BID: variants seen among roughly 807,000 people sequenced by gnomAD.
BID encodes BH3-interacting domain death agonist.
A neutral mutation model predicts 17.4 loss-of-function variants in BID; 19 were observed. That is an observed-to-expected ratio of 1.09 (90% confidence interval 0.76 to 1.60). The LOEUF (loss-of-function observed/expected upper bound fraction) is 1.60. Among genes scored for constraint, BID ranks in the 40% most tolerant of loss-of-function variants. The pLI is 0.00. For synonymous variants in BID, 108 were observed against 102.8 expected, an observed-to-expected ratio of 1.05 and a Z score of -0.31; for missense variants, 226 against 256.0, an observed-to-expected ratio of 0.88 and a Z score of 0.80.
intron 1 of BID, among the ~76,000 whole-genome samples, chr22:17,772,484 C>T (rs1003069755): frequency 1.3e-5 from 2 of 152,256 alleles, no homozygotes; most frequent in South Asian, 2.1e-4. Flanking sequence ...CATGGGCTGA[C>T]AGCCAGAGCC....
At chr22:17,752,964 C>CCCCCAATGGGACA (rs2061551568) in intron 1 of BID, among the ~76,000 whole-genome samples, 1 of 85,174 alleles carries the variant, frequency 1.2e-5, no homozygotes, top group African/African-American at 4.8e-5. Flanking sequence ...CGCGCCCAGT[C>CCCCCAATGGGACA]TTTTTTTTTT....
chr22:17,748,424 C>T (rs2145887791), intron 2 of BID, among the ~76,000 whole-genome samples: 1 of 151,708 alleles, frequency 6.6e-6, no homozygotes, highest in South Asian at 2.1e-4. Context: ...AGGAGAATGG[C>T]CTGAACCCGG....
intron 1 of BID, among the ~76,000 whole-genome samples, chr22:17,761,634 T>C (rs888002070): frequency 1.3e-5 from 2 of 152,044 alleles, no homozygotes; most frequent in Non-Finnish European, 2.9e-5. Flanking sequence ...GGTTTCACCG[T>C]GTTAGCCAGG....
chr22:17,752,332 C>T (rs1257195060), intron 1 of BID, among the ~76,000 whole-genome samples: 3 of 152,144 alleles, frequency 2.0e-5, no homozygotes, highest in Admixed American at 6.6e-5. Context: ...AGTGGGGGCA[C>T]GGCTCATCAG....
At chr22:17,749,765 C>T (rs948255675) in intron 2 of BID, among the ~76,000 whole-genome samples, 1 of 152,240 alleles carries the variant, frequency 6.6e-6, no homozygotes, top group African/African-American at 2.4e-5. Context: ...TCAAGGAATC[C>T]TCCTGCCTTG....
intron 2 of BID, among the ~76,000 whole-genome samples, 196 bp from the exon 3 acceptor site, chr22:17,744,209 C>A (rs2061480458): frequency 6.6e-6 from 1 of 152,168 alleles, no homozygotes; most frequent in Non-Finnish European, 1.5e-5. Context: ...AGCAGCACTG[C>A]CCGTAGATGG....
In BID at chr22:17,773,806, A is replaced by T; in HGVS notation, c.-59+575T>A. 1 of 973,094 alleles carries T rather than the reference A, an allele frequency of 1.0e-6. No homozygotes were observed. The highest frequency in any genetic ancestry group is 1.5e-6 in the Non-Finnish European group (1 of 647,940). 60.3% of individuals were successfully genotyped at this position (973,094 alleles called of 1,614,324 possible). A position where few individuals can be genotyped will look rare whatever the true frequency, so the allele number is the denominator to read the frequency against. ...TTCAGCCACTCAACAGTTTCCCAGC[A>T]GCAGCAGCGAGGATCCGCACATCAT... On this transcript the variant is annotated intron_variant, in intron 1 of 5. Transcript: ENST00000622694. The surrounding 1 kb of genome is among the most constrained non-coding windows in gnomAD (Gnocchi z 4.4).
At chr22:17,745,732 C>T (rs1354497204) in intron 2 of BID, among the ~76,000 whole-genome samples, 1 of 151,940 alleles carries the variant, frequency 6.6e-6, no homozygotes, top group Non-Finnish European at 1.5e-5. Flanking sequence ...CTTTGGGAGG[C>T]CGAGGCGGGC....
intron 1 of BID, among the ~76,000 whole-genome samples, chr22:17,772,037 G>A (rs549342267): frequency 4.9e-4 from 74 of 152,322 alleles, no homozygotes; most frequent in Non-Finnish European, 8.7e-4. Flanking sequence ...CAACTCCCTC[G>A]GGTGTGACCT....
intron 1 of BID, among the ~76,000 whole-genome samples, chr22:17,761,183 A>C (rs2061635651): frequency 6.6e-6 from 1 of 152,194 alleles, no homozygotes; most frequent in Non-Finnish European, 1.5e-5. Context: ...TCAGAGTCTC[A>C]GGGACAGTTT....
At chr22:17,747,085 A>T (rs1413459772) in intron 2 of BID, among the ~76,000 whole-genome samples, 4 of 152,062 alleles carry the variant, frequency 2.6e-5, no homozygotes, top group Non-Finnish European at 5.9e-5. Flanking sequence ...AGGGAGGGAG[A>T]GGAAAGAATG....
intron 1 of BID, chr22:17,764,240 T>C (rs2061662571): frequency 2.6e-5 from 4 of 154,508 alleles, no homozygotes; most frequent in Middle Eastern, 5.2e-4. Flanking sequence ...TAGTGCTGGG[T>C]GAACAGTGAG....
chr22:17,765,532 T>C (rs1281209155), intron 1 of BID, among the ~76,000 whole-genome samples: 2 of 152,226 alleles, frequency 1.3e-5, no homozygotes, highest in Admixed American at 1.3e-4. Context: ...TTCAGAATAA[T>C]GAACACATTT....
At chr22:17,758,264 A>T (rs2061608959) in intron 1 of BID, among the ~76,000 whole-genome samples, 1 of 152,088 alleles carries the variant, frequency 6.6e-6, no homozygotes, top group Admixed American at 6.5e-5. Flanking sequence ...GCAGGCACTG[A>T]CTCCACGGTC....
At chr22:17,739,959 G>A (rs2061447318) in intron 3 of BID, 1 of 1,053,616 alleles carries the variant, frequency 9.5e-7, no homozygotes, top group African/African-American at 1.6e-5. Context: ...GAAAACCCCA[G>A]TTGTCACTGG....
rs199956963 is a variant in BID, at chr22:17,739,320, G to A, written c.363+29C>T. 68 of 1,533,198 alleles carry A rather than the reference G, an allele frequency of 4.4e-5. 1 individual carries two copies. The Middle Eastern group carries it at 3.0e-3, about 67-fold the overall frequency. 95.0% of individuals were successfully genotyped at this position (1,533,198 alleles called of 1,614,324 possible). ...ACAGGCCCCCTTGGCTCACTTGCCCGCCCACGCGGTCCTCAGGCCCTCACT... is the reference window on the plus strand; with the variant it reads ...ACAGGCCCCCTTGGCTCACTTGCCCACCCACGCGGTCCTCAGGCCCTCACT... On this transcript the variant is annotated intron_variant, in intron 4 of 5. Coordinates refer to ENST00000622694, the MANE Select transcript of BID (RefSeq NM_001196.4).
intron 1 of BID, among the ~76,000 whole-genome samples, chr22:17,767,617 G>C (rs900553940): frequency 1.3e-5 from 2 of 152,152 alleles, no homozygotes; most frequent in African/African-American, 4.8e-5. Context: ...ACAGAGAACT[G>C]ATCTCTGTCA....
In BID at chr22:17,764,588, AT is replaced by A. The variant is rs1437438816; in HGVS notation, c.-59+9792del. 2.0e-5 allele frequency among the ~76,000 whole-genome samples: 3 copies of A among 152,382 alleles called. No homozygotes were observed. The East Asian group carries it at 5.8e-4, about 29-fold the overall frequency. ...ATGCCCAATTCTGAGTGTTACACACATTTCTAGGAAAAATAATTCCAATGTA... is the reference window on the plus strand; with the variant it reads ...ATGCCCAATTCTGAGTGTTACACACATTCTAGGAAAAATAATTCCAATGTA... On this transcript the variant is annotated intron_variant, in intron 1 of 5. Coordinates refer to ENST00000622694, the MANE Select transcript of BID (RefSeq NM_001196.4).
intron 2 of BID, among the ~76,000 whole-genome samples, chr22:17,745,082 GCT>G (rs2061486618): frequency 6.6e-6 from 1 of 152,064 alleles, no homozygotes; most frequent in Admixed American, 6.6e-5. Context: ...ATGGAGTCTC[GCT>G]CTGTCACCCA....
Sources: allele counts gnomAD v4.1 joint callset (sites outside exome capture counted in the v4.1 genomes callset), GRCh38; gene constraint gnomAD v4.1.1; non-coding constraint Gnocchi (gnomAD v3.1); transcripts MANE v1.5; gene names NCBI Gene and HGNC (gene_info 2026-07-23, HGNC 2026-07-21).